The following AFG2A variants were observed in gnomAD, a reference collection of about 807,000 sequenced individuals.
The protein encoded by AFG2A is ATPase family gene 2 protein homolog A.
the AFG2A span, among the ~76,000 whole-genome samples, chr4:123,194,522 G>A: frequency 6.6e-6 from 1 of 151,980 alleles, no homozygotes; most frequent in Non-Finnish European, 1.5e-5. Context: ...TTAAGGTTGA[G>A]CCATTTTTAA....
At chr4:122,936,231 T>C in the AFG2A span, 1 of 1,110,152 alleles carries the variant, frequency 9.0e-7, no homozygotes, top group Non-Finnish European at 1.3e-6. Flanking sequence ...TAGCACCTTA[T>C]ACAAAGCATA....
At chr4:123,241,772 T>G in the AFG2A span, among the ~76,000 whole-genome samples, 2 of 152,204 alleles carry the variant, frequency 1.3e-5, no homozygotes, top group Non-Finnish European at 2.9e-5. Context: ...GTGTTAGAAG[T>G]TCTAGCCTGG....
the AFG2A span, among the ~76,000 whole-genome samples, chr4:123,004,627 A>G: frequency 2.0e-5 from 3 of 148,606 alleles, no homozygotes; most frequent in Non-Finnish European, 4.4e-5. Context: ...AATACTGTCT[A>G]CTAATATTTT....
At chr4:123,145,836 G>A in the AFG2A span, among the ~76,000 whole-genome samples, 4 of 151,936 alleles carry the variant, frequency 2.6e-5, no homozygotes, top group African/African-American at 9.7e-5. Context: ...ACTGGACTAC[G>A]AACTTTTAAA....
chr4:123,157,190 A>ATT, the AFG2A span, among the ~76,000 whole-genome samples: 3 of 143,258 alleles, frequency 2.1e-5, no homozygotes, highest in African/African-American at 7.7e-5. Context: ...TAATTTTTGT[A>ATT]TTTTTTTTTT....
At chr4:123,178,751 T>C in the AFG2A span, among the ~76,000 whole-genome samples, 2 of 152,206 alleles carry the variant, frequency 1.3e-5, no homozygotes. Context: ...AAAAAATATA[T>C]TAAGAATGTT....
chr4:122,982,090 G>GA, the AFG2A span, among the ~76,000 whole-genome samples: 1 of 152,158 alleles, frequency 6.6e-6, no homozygotes, highest in South Asian at 2.1e-4. Flanking sequence ...CATCTTAGAG[G>GA]AAAAGTTTTT....
At chr4:123,084,614 G>GTGTGTA in the AFG2A span, among the ~76,000 whole-genome samples, 217 of 148,648 alleles carry the variant, frequency 1.5e-3, 1 homozygote, top group Non-Finnish European at 1.8e-3. Context: ...GTGTGTGTGT[G>GTGTGTA]TATATATATA....
At chr4:123,082,008 T>A in the AFG2A span, among the ~76,000 whole-genome samples, 10 of 152,224 alleles carry the variant, frequency 6.6e-5, no homozygotes, top group South Asian at 4.1e-4. Context: ...TTTTAAGAAT[T>A]CTTTGTATGT....
the AFG2A span, among the ~76,000 whole-genome samples, chr4:122,971,280 A>T: frequency 6.6e-6 from 1 of 151,990 alleles, no homozygotes; most frequent in Non-Finnish European, 1.5e-5. Context: ...GGTGGTATGC[A>T]CCTGTAGTCC....
the AFG2A span, among the ~76,000 whole-genome samples, chr4:122,967,663 A>G: frequency 2.6e-5 from 4 of 152,048 alleles, no homozygotes; most frequent in Non-Finnish European, 4.4e-5. Context: ...AAATTCCCAA[A>G]ACTGTTTTTA....
the AFG2A span, among the ~76,000 whole-genome samples, chr4:123,301,161 A>G: frequency 0.012 from 1,874 of 152,282 alleles, 32 homozygotes; most frequent in African/African-American, 0.043. Flanking sequence ...TATAATATGT[A>G]TACATGGGTG....
the AFG2A span, among the ~76,000 whole-genome samples, chr4:123,113,221 C>T: frequency 2.0e-5 from 3 of 152,118 alleles, no homozygotes; most frequent in African/African-American, 7.2e-5. Context: ...TTTCCAAAAG[C>T]TTTGCTTGGG....
At chr4:123,152,682 C>T in the AFG2A span, among the ~76,000 whole-genome samples, 1 of 152,214 alleles carries the variant, frequency 6.6e-6, no homozygotes, top group East Asian at 1.9e-4. Context: ...GGTACAGCCA[C>T]TTTGGAAGAC....
the AFG2A span, chr4:122,928,959 G>A: frequency 2.0e-6 from 3 of 1,510,632 alleles, no homozygotes; most frequent in Non-Finnish European, 1.8e-6. Flanking sequence ...GTGCTTGACT[G>A]TGCTTAGCAT....
the AFG2A span, among the ~76,000 whole-genome samples, chr4:123,070,189 A>G: frequency 6.6e-6 from 1 of 152,186 alleles, no homozygotes; most frequent in African/African-American, 2.4e-5. Flanking sequence ...TTATAACTTT[A>G]AAAGATTTAA....
the AFG2A span, among the ~76,000 whole-genome samples, chr4:123,170,607 G>A: frequency 6.6e-6 from 1 of 152,022 alleles, no homozygotes; most frequent in Non-Finnish European, 1.5e-5. Context: ...AGTTAACTTA[G>A]GGTAAAGGCT....
the AFG2A span, among the ~76,000 whole-genome samples, chr4:123,224,361 TC>T: frequency 1.4e-5 from 2 of 146,314 alleles, no homozygotes; most frequent in African/African-American, 5.0e-5. Context: ...CCCTCCACCC[TC>T]CCCCCATCCC....
At chr4:123,232,236 A>G in the AFG2A span, among the ~76,000 whole-genome samples, 1 of 152,022 alleles carries the variant, frequency 6.6e-6, no homozygotes, top group Non-Finnish European at 1.5e-5. Context: ...GAATGGGTGG[A>G]ACAGTGAAGA....
Sources: allele counts gnomAD v4.1 joint callset (sites outside exome capture counted in the v4.1 genomes callset), GRCh38; gene constraint gnomAD v4.1.1; transcripts MANE v1.5; gene names NCBI Gene and HGNC (gene_info 2026-07-23, HGNC 2026-07-21).